Variants in RBPJ observed in about 807,000 individuals in gnomAD.
RBPJ encodes recombination signal binding protein for immunoglobulin kappa J region, also known as recombining binding protein suppressor of hairless.
In RBPJ, 9 loss-of-function variants were observed where a neutral mutation model predicts 67.8. That is an observed-to-expected ratio of 0.13 (90% confidence interval 0.08 to 0.23). RBPJ has a LOEUF of 0.23. Ranked by LOEUF, RBPJ falls within the 10% of genes least tolerant of loss-of-function variation. RBPJ has a pLI of 1.00. For synonymous variants in RBPJ, 198 were observed against 203.3 expected (o/e 0.97, Z 0.22); for missense variants, 305 against 595.6 (o/e 0.51, Z 5.08).
upstream of RBPJ, among the ~76,000 whole-genome samples, chr4:26,317,466 G>A (rs1438397385): frequency 1.3e-5 from 2 of 152,164 alleles, no homozygotes; most frequent in Non-Finnish European, 2.9e-5. Flanking sequence ...TAGATCAGGG[G>A]GGGTTTGGCA....
the RBPJ span, among the ~76,000 whole-genome samples, chr4:26,142,718 G>A: frequency 6.6e-6 from 1 of 152,206 alleles, no homozygotes; most frequent in African/African-American, 2.4e-5. Context: ...GCAGGCACAG[G>A]AGAAAGAATA....
intron 2 of RBPJ, among the ~76,000 whole-genome samples, chr4:26,395,797 G>C (rs191295066): frequency 8.5e-5 from 13 of 152,278 alleles, no homozygotes; most frequent in Non-Finnish European, 1.6e-4. Context: ...GTTCATATTT[G>C]TCTACTAATT....
At chr4:26,425,176 C>T (rs1347500349) in intron 7 of RBPJ, among the ~76,000 whole-genome samples, 2 of 152,016 alleles carry the variant, frequency 1.3e-5, no homozygotes, top group East Asian at 1.9e-4. Flanking sequence ...GAAATATAAG[C>T]GTAATTTTTG....
Position 26,434,077 on chromosome 4 carries a change from A to C in RBPJ, c.*3070A>C, listed in dbSNP as rs1466992422. The C allele has an allele frequency of 6.6e-6, 1 of 152,216 alleles. No individual in the cohort carries two copies. The highest frequency in any genetic ancestry group is 1.5e-5 in the Non-Finnish European group (1 of 68,030). 9.4% of individuals were successfully genotyped at this position (152,216 alleles called of 1,614,324 possible). On this transcript the variant is annotated 3_prime_UTR_variant, in exon 11 of 11. Coordinates refer to ENST00000355476, the MANE Select transcript of RBPJ (RefSeq NM_015874.6). The stretch of plus-strand genomic sequence containing the variant: ...CACATAGATTGGGAAGGCAAGCTAA[A>C]AGCCTTAAAAATGCCCTTTATATTT...
At chr4:26,138,252 C>G in the RBPJ span, among the ~76,000 whole-genome samples, 3 of 152,132 alleles carry the variant, frequency 2.0e-5, no homozygotes, top group Non-Finnish European at 4.4e-5. Flanking sequence ...AAATAAATAC[C>G]TTCCACTGTT....
intron 1 of RBPJ, among the ~76,000 whole-genome samples, chr4:26,175,768 G>A (rs1405188035): frequency 1.3e-5 from 2 of 152,228 alleles, no homozygotes; most frequent in Non-Finnish European, 2.9e-5. Flanking sequence ...GAAGGTGTCC[G>A]TGAGGCAGAG....
At chr4:26,239,997 C>T (rs975860791) in intron 1 of RBPJ, among the ~76,000 whole-genome samples, 4 of 152,106 alleles carry the variant, frequency 2.6e-5, no homozygotes, top group Non-Finnish European at 4.4e-5. Flanking sequence ...ATTTAAGTGA[C>T]GAAATACTTA....
chr4:26,138,061 A>ATAGCTATCTGCTGCTG, the RBPJ span, among the ~76,000 whole-genome samples: 1 of 131,740 alleles, frequency 7.6e-6, no homozygotes, highest in Non-Finnish European at 1.8e-5. Flanking sequence ...TGGCACTGTC[A>ATAGCTATCTGCTGCTG]TAGCTATCTG....
the RBPJ span, among the ~76,000 whole-genome samples, chr4:26,151,913 A>C: frequency 5.3e-5 from 8 of 152,182 alleles, no homozygotes; most frequent in Admixed American, 1.3e-4. Context: ...TTTAGGAACA[A>C]ATATGTGGGA....
At chr4:26,412,562 A>G (rs1179002470) in intron 3 of RBPJ, among the ~76,000 whole-genome samples, 2 of 152,198 alleles carry the variant, frequency 1.3e-5, no homozygotes, top group Non-Finnish European at 2.9e-5. Flanking sequence ...ATGTTCAACC[A>G]CTAAGTATAA....
chr4:26,182,298 C>G (rs140399530), intron 1 of RBPJ, among the ~76,000 whole-genome samples: 1 of 151,676 alleles, frequency 6.6e-6, no homozygotes, highest in Non-Finnish European at 1.5e-5. Flanking sequence ...GCCGAGATCG[C>G]GCCACTGCAC....
At chr4:26,399,295 TTATTTTTCTTGACTATTCTGTAA>T (rs1342492922) in intron 2 of RBPJ, among the ~76,000 whole-genome samples, 1 of 152,238 alleles carries the variant, frequency 6.6e-6, no homozygotes, top group Non-Finnish European at 1.5e-5. Context: ...TTTCTAATCT[TTATTTTTCTTGACTATTCTGTAA>T]TATTTAATAA....
At chr4:26,395,237 G>A (rs1350145976) in intron 2 of RBPJ, among the ~76,000 whole-genome samples, 1 of 152,084 alleles carries the variant, frequency 6.6e-6, no homozygotes, top group Non-Finnish European at 1.5e-5. Flanking sequence ...CAGGAGGATT[G>A]CTTGAGTCCA....
chr4:26,399,822 G>A (rs951440959), intron 2 of RBPJ, among the ~76,000 whole-genome samples: 1 of 152,008 alleles, frequency 6.6e-6, no homozygotes, highest in Non-Finnish European at 1.5e-5. Context: ...GAGACTATAG[G>A]CGCGTGCCAC....
At position 26,235,374 on chromosome 4, in the gene RBPJ, T is replaced by A. The variant is rs140026094; in HGVS notation, c.-167+71760T>A. On this transcript the variant is annotated intron_variant, in intron 1 of 4. Coordinates refer to the RBPJ transcript ENST00000512351. ...GTGACCTAAATAAGATGTGTAACTT[T>A]GTTTTTTTGTGGATCTCTGAAGGTA... Among the ~76,000 whole-genome samples, 26 of 152,374 alleles carry A rather than the reference T, an allele frequency of 1.7e-4. 1 individual carries two copies. The East Asian group carries it at 4.8e-3, about 28-fold the overall frequency.
chr4:26,406,607 C>A (rs1054327972), intron 3 of RBPJ, among the ~76,000 whole-genome samples: 2 of 152,226 alleles, frequency 1.3e-5, no homozygotes, highest in African/African-American at 2.4e-5. Context: ...TTGTCCCTTA[C>A]GCATTTGGGT....
the RBPJ span, among the ~76,000 whole-genome samples, chr4:26,119,385 A>T: frequency 6.6e-6 from 1 of 151,882 alleles, no homozygotes; most frequent in Admixed American, 6.6e-5. Context: ...ATCTTTAATG[A>T]CTCTTCCAAT....
At chr4:26,162,879 G>A (rs1287089779), upstream of RBPJ, among the ~76,000 whole-genome samples, 1 of 152,168 alleles carries the variant, frequency 6.6e-6, no homozygotes, top group Non-Finnish European at 1.5e-5. Context: ...AGAGCGGCAG[G>A]GAGACCAAGA....
chr4:26,197,544 G>A (rs1052677455), intron 1 of RBPJ, among the ~76,000 whole-genome samples: 4 of 152,174 alleles, frequency 2.6e-5, no homozygotes, highest in African/African-American at 9.7e-5. Flanking sequence ...TAGCCATCTC[G>A]TTTGATCTCG....
Sources: gnomAD v4.1 joint callset for allele counts (sites outside exome capture counted in the v4.1 genomes callset) on GRCh38, gnomAD v4.1.1 for gene constraint, MANE v1.5 for transcripts, NCBI Gene and HGNC (gene_info 2026-07-23, HGNC 2026-07-21) for gene names.